CBFB: variants seen among roughly 807,000 people sequenced by gnomAD.
CBFB encodes the protein CBF-beta.
In CBFB, 9 loss-of-function variants were observed where a neutral mutation model predicts 30.4. That is an observed-to-expected ratio of 0.30 (90% CI 0.18 to 0.52). The LOEUF (loss-of-function observed/expected upper bound fraction) is 0.52, where lower values mean the gene tolerates loss of function less well. Among genes scored for constraint, CBFB ranks in the 20% least tolerant of loss-of-function variants. CBFB has a pLI of 0.97. For synonymous variants in CBFB, 94 were observed against 84.0 expected (o/e 1.12, Z -0.65); for missense variants, 170 against 244.0 (o/e 0.70, Z 2.02).
At chr16:67,077,541 T>G (rs1178939273) in intron 4 of CBFB, among the ~76,000 whole-genome samples, 9 of 152,226 alleles carry the variant, frequency 5.9e-5, no homozygotes, top group South Asian at 2.1e-4. Flanking sequence ...TACTGATGCT[T>G]CTTCAGCAGA....
intron 2 of CBFB, among the ~76,000 whole-genome samples, chr16:67,030,405 A>C (rs935599217): frequency 2.0e-5 from 3 of 152,100 alleles, no homozygotes; most frequent in Admixed American, 1.3e-4. Context: ...TGCTGTTCCT[A>C]AAAACTGCAC....
intron 5 of CBFB, among the ~76,000 whole-genome samples, chr16:67,093,809 G>A (rs185425208): frequency 4.3e-4 from 66 of 152,274 alleles, no homozygotes; most frequent in Non-Finnish European, 7.5e-4. Flanking sequence ...TACAAACTTT[G>A]TGCTTTTAGG....
chr16:67,043,821 G>C (rs534524694), intron 3 of CBFB, among the ~76,000 whole-genome samples: 16 of 152,268 alleles, frequency 1.1e-4, no homozygotes, highest in African/African-American at 3.9e-4. Flanking sequence ...CTAACTGATT[G>C]ATAGAGTGTT....
chr16:67,058,636 C>G (rs1451104705), intron 3 of CBFB, among the ~76,000 whole-genome samples: 1 of 152,102 alleles, frequency 6.6e-6, no homozygotes, highest in African/African-American at 2.4e-5. Flanking sequence ...ATAGGTGGAT[C>G]TTTTCAAATG....
At chr16:67,079,048 G>C (rs912846980) in intron 4 of CBFB, among the ~76,000 whole-genome samples, 1 of 152,176 alleles carries the variant, frequency 6.6e-6, no homozygotes, top group African/African-American at 2.4e-5. Flanking sequence ...GCATTCTTTT[G>C]CGGCTACCTC....
At position 67,029,720 on chromosome 16, in the gene CBFB, C is replaced by T. The variant is rs201023207; in HGVS notation, c.79-7C>T. On this transcript the variant is annotated splice_polypyrimidine_tract_variant and splice_region_variant and intron_variant, in intron 1 of 5. Transcript: ENST00000412916. ...GGCTCCTGATTTCGGGCCGTCTTGC[C>T]TTGCAGATTAAGTACACGGGCTTCA... 85 of 1,586,200 alleles carry T rather than the reference C, an allele frequency of 5.4e-5. No individual in the cohort carries two copies. Among genetic ancestry groups the T allele is most frequent in the African/African-American group, 7.0e-5 (5 of 71,640 alleles).
Position 67,098,738 on chromosome 16 carries a change from G to A in CBFB, c.524G>A (p.Gly175Asp). ...EARRQQDPSP[G>D]SNLGGGDDLK... ...AGAAGACAACAAGACCCTAGTCCTGGTTCCAATTTAGGTGGTGGTGATGAC... is the reference window on the plus strand; with the variant it reads ...AGAAGACAACAAGACCCTAGTCCTGATTCCAATTTAGGTGGTGGTGATGAC... Residue 175 changes from glycine to aspartate, a missense_variant, in exon 6 of 6, where the codon GGT becomes GAT. Physicochemically the swap from Gly to Asp is moderately conservative, Grantham distance 94. Coordinates refer to ENST00000412916, the MANE Select transcript of CBFB (RefSeq NM_022845.3). 6.2e-7 allele frequency: 1 copy of A among 1,611,062 alleles called. No homozygotes were observed. The highest frequency in any genetic ancestry group is 8.5e-7 in the Non-Finnish European group (1 of 1,177,370).
At chr16:67,051,912 T>TACACACACACACAC (rs112469458) in intron 3 of CBFB, among the ~76,000 whole-genome samples, 1 of 143,940 alleles carries the variant, frequency 6.9e-6, no homozygotes, top group East Asian at 2.0e-4. Flanking sequence ...TATATGTGTA[T>TACACACACACACAC]ACACACACAC....
chr16:67,029,659 CT>C, intron 1 of CBFB, 67 bp from the exon 2 acceptor site: 1 of 1,443,506 alleles, frequency 6.9e-7, no homozygotes, highest in Non-Finnish European at 9.5e-7. Flanking sequence ...CGGCGCTGCG[CT>C]GGGAGGGCGG....
chr16:67,056,191 A>C (rs1960718422), intron 3 of CBFB, among the ~76,000 whole-genome samples: 1 of 152,208 alleles, frequency 6.6e-6, no homozygotes, highest in South Asian at 2.1e-4. Context: ...CCACAAGCAT[A>C]ATGTTAAAGT....
At chr16:67,059,998 A>G (rs1436523953) in intron 3 of CBFB, among the ~76,000 whole-genome samples, 2 of 150,046 alleles carry the variant, frequency 1.3e-5, no homozygotes, top group African/African-American at 4.9e-5. Flanking sequence ...TTGTTGAGAC[A>G]GAGTTTCGCT....
intron 5 of CBFB, 73 bp downstream of exon 5, chr16:67,082,381 T>G: frequency 1.3e-6 from 2 of 1,568,312 alleles, no homozygotes; most frequent in Non-Finnish European, 1.7e-6. Flanking sequence ...GTTTGTGATG[T>G]TTGTGCATAA....
chr16:67,048,664 C>T (rs1966674916), intron 3 of CBFB, among the ~76,000 whole-genome samples: 1 of 152,044 alleles, frequency 6.6e-6, no homozygotes, highest in South Asian at 2.1e-4. Flanking sequence ...CATTCTACTG[C>T]CTCAGCCTCC....
At chr16:67,077,158 T>C (rs1358781436) in intron 4 of CBFB, among the ~76,000 whole-genome samples, 5 of 152,226 alleles carry the variant, frequency 3.3e-5, no homozygotes, top group Non-Finnish European at 5.9e-5. Flanking sequence ...AAGCCAATAA[T>C]TTTATCTTCA....
At position 67,098,793 on chromosome 16, in the gene CBFB, G is replaced by T. The variant is rs777042190; in HGVS notation, c.*15G>T. ...AACTTCGTTAATTAATAGCACAGCA[G>T]ATGTGTGCTGCCCATCTTTACATAC... is the stretch of plus-strand genomic sequence containing the variant. On this transcript the variant is annotated 3_prime_UTR_variant, in exon 6 of 6. Transcript: ENST00000412916. The T allele has an allele frequency of 9.0e-6, 13 of 1,441,326 alleles. No homozygotes were observed. The highest frequency in any genetic ancestry group is 1.3e-5 in the Non-Finnish European group (13 of 1,023,082). 89.3% of individuals were successfully genotyped at this position (1,441,326 alleles called of 1,614,324 possible).
Position 67,069,847 on chromosome 16 carries a change from G to A in CBFB, c.399+3049G>A, listed in dbSNP as rs73593307. Among the ~76,000 whole-genome samples the A allele has an allele frequency of 5.2e-3, 784 of 152,212 alleles. 5 individuals are homozygous for A. Among genetic ancestry groups the A allele is most frequent in the African/African-American group, 0.018 (731 of 41,534 alleles). On this transcript the variant is annotated intron_variant, in intron 4 of 5. Transcript: ENST00000412916. The stretch of plus-strand genomic sequence containing the variant: ...CAAAAGAAAATGTAAAAGCAGATTG[G>A]GTGCAGTGGCTCACACCTGTAATCC...
intron 2 of CBFB, among the ~76,000 whole-genome samples, chr16:67,035,267 TAGAGAC>T (rs971799801): frequency 6.6e-6 from 1 of 152,140 alleles, no homozygotes; most frequent in African/African-American, 2.4e-5. Flanking sequence ...GTATTTTTAG[TAGAGAC>T]AGGGTTTCAC....
intron 3 of CBFB, among the ~76,000 whole-genome samples, chr16:67,044,297 T>C (rs890294441): frequency 1.3e-5 from 2 of 152,184 alleles, no homozygotes; most frequent in East Asian, 1.9e-4. Context: ...AAAAATGAAC[T>C]TTACAGTGCT....
intron 3 of CBFB, among the ~76,000 whole-genome samples, chr16:67,061,250 A>G (rs1202417499): frequency 2.6e-5 from 4 of 152,200 alleles, no homozygotes; most frequent in Non-Finnish European, 5.9e-5. Context: ...AGTCTCAAAC[A>G]TATTTGTGAT....
Sources: gnomAD v4.1 joint callset for allele counts (sites outside exome capture counted in the v4.1 genomes callset) on GRCh38, gnomAD v4.1.1 for gene constraint, MANE v1.5 for transcripts, NCBI Gene and HGNC (gene_info 2026-07-23, HGNC 2026-07-21) for gene names.